The following RUSC1 variants were observed in gnomAD, a reference collection of about 807,000 sequenced individuals.
RUSC1 encodes RUN and SH3 domain containing 1.
Under a neutral mutation model 72.1 loss-of-function variants are expected in RUSC1, and 40 were observed. The observed-to-expected ratio is 0.55, with a 90% confidence interval of 0.43 to 0.72. RUSC1 has a LOEUF of 0.72. Among genes scored for constraint, RUSC1 ranks in the 30% least tolerant of loss-of-function variants. The pLI is 0.00. For synonymous variants in RUSC1, 512 were observed against 494.2 expected (o/e 1.04, Z -0.48); for missense variants, 1,092 against 1,172.3 (o/e 0.93, Z 1.00).
In RUSC1 at chr1:155,321,000, G is replaced by T; in HGVS notation, c.-87+9G>T. On this transcript the variant is annotated intron_variant, in intron 1 of 9. Coordinates refer to ENST00000368352, the MANE Select transcript of RUSC1 (RefSeq NM_001105203.2). Reference sequence around the variant, plus strand: ...GTTCCAGGAGGACCCTGGTGAGGAGGGCTCGGCCCATGGGTGTAGACCGAT... The same window carrying T: ...GTTCCAGGAGGACCCTGGTGAGGAGTGCTCGGCCCATGGGTGTAGACCGAT... 1 of 1,512,202 alleles carries T rather than the reference G, an allele frequency of 6.6e-7. No homozygotes were observed. Among genetic ancestry groups the T allele is most frequent in the South Asian group, 1.1e-5 (1 of 89,086 alleles). 93.7% of individuals were successfully genotyped at this position (1,512,202 alleles called of 1,614,324 possible).
chr1:155,326,030 T>C lies in RUSC1; in HGVS notation c.1861+120T>C. ...CCATTAATCCAGATCTCCGATCTTA[T>C]TACTCTTCTAATTAAAACTTTCTAA... On this transcript the variant is annotated intron_variant, in intron 7 of 9. Coordinates refer to ENST00000368352, the MANE Select transcript of RUSC1 (RefSeq NM_001105203.2). This position sits in a 1 kb window ranked among gnomAD's most constrained non-coding sequence, Gnocchi z 4.7. 9.1e-7 allele frequency: 1 copy of C among 1,096,670 alleles called. No individual in the cohort carries two copies. Among genetic ancestry groups the C allele is most frequent in the South Asian group, 1.3e-5 (1 of 77,124 alleles). The allele number at this position is 1,096,670 out of a possible 1,614,324, so 67.9% of individuals were successfully genotyped here.
In RUSC1 at chr1:155,324,875, C is replaced by T. The variant is rs201395635; in HGVS notation, c.1388C>T (p.Pro463Leu). Residue 463 changes from proline to leucine, a missense_variant, in exon 3 of 10, where the codon CCC becomes CTC. Coordinates refer to ENST00000368352, the MANE Select transcript of RUSC1 (RefSeq NM_001105203.2). ...AGTTCGTGGTCCTTCGCCGGTGTCC[C>T]CGGAGCCCAGCGGCTGTGGATGGCA... Reference protein sequence around the residue: ...VRSSWSFAGVPGAQRLWMAEA... With the variant: ...VRSSWSFAGVLGAQRLWMAEA... 2.1e-4 allele frequency: 334 copies of T among 1,614,138 alleles called. No individual in the cohort carries two copies. The highest frequency in any genetic ancestry group is 2.7e-4 in the Non-Finnish European group (315 of 1,180,062).
chr1:155,321,284 AC>A (rs760059305), intron 1 of RUSC1: 4 of 1,367,418 alleles, frequency 2.9e-6, no homozygotes, highest in Non-Finnish European at 2.9e-6. Context: ...GTATTGCCCC[AC>A]CCCCATCCTC....
At chr1:155,328,098 C>G in intron 8 of RUSC1, 52 bp from the exon 9 acceptor site, 1 of 1,583,368 alleles carries the variant, frequency 6.3e-7, no homozygotes, top group Non-Finnish European at 8.6e-7. Flanking sequence ...CCCCAGGGTT[C>G]TTGGGTTTTC....
chr1:155,321,734 C>T lies in RUSC1; in HGVS notation c.-40C>T. 1 of 1,611,414 alleles carries T rather than the reference C, an allele frequency of 6.2e-7. No individual in the cohort carries two copies. Among genetic ancestry groups the T allele is most frequent in the Non-Finnish European group, 8.5e-7 (1 of 1,178,264 alleles). The stretch of plus-strand genomic sequence containing the variant: ...GTAGGTGGATGTGAGAGACCCTACC[C>T]TTCTGGTTCTCTAGAAGCCATCCCA... On this transcript the variant is annotated 5_prime_UTR_variant, in exon 2 of 10. Transcript: ENST00000368352.
In RUSC1 at chr1:155,322,993, C is replaced by A; in HGVS notation, c.1220C>A (p.Pro407His). 6.6e-7 allele frequency: 1 copy of A among 1,513,876 alleles called. No homozygotes were observed. The highest frequency in any genetic ancestry group is 2.5e-5 in the East Asian group (1 of 40,552). The allele number at this position is 1,513,876 out of a possible 1,614,324, so 93.8% of individuals were successfully genotyped here. ...CCCCGGCCCCCACCCCCGCCTGTCC[C>A]TCCCCGAAGGAAGAAGAACCGACCT... ...VPPRPPPPPV[P>H]PRRKKNRPGL... Residue 407 changes from proline to histidine, a missense_variant, in exon 2 of 10, where the codon CCT becomes CAT. Coordinates refer to ENST00000368352, the MANE Select transcript of RUSC1 (RefSeq NM_001105203.2).
rs1230447253 is a variant in RUSC1, at chr1:155,326,137, T to C, written c.1861+227T>C. On this transcript the variant is annotated intron_variant, in intron 7 of 9. Coordinates refer to ENST00000368352, the MANE Select transcript of RUSC1 (RefSeq NM_001105203.2). The surrounding 1 kb of genome is among the most constrained non-coding windows in gnomAD (Gnocchi z 4.7). ...CCTCTTCCCCTGCCTTGGAGGGTCT[T>C]GCCAACAGTCTTCCCGCCTGGCCCT... The C allele has an allele frequency of 1.0e-5, 6 of 602,970 alleles. No homozygotes were observed. Among genetic ancestry groups the C allele is most frequent in the African/African-American group, 9.3e-5 (5 of 53,874 alleles). The allele number at this position is 602,970 out of a possible 1,614,324, so 37.4% of individuals were successfully genotyped here.
At position 155,321,009 on chromosome 1, in the gene RUSC1, C is replaced by T. The variant is rs773333967; in HGVS notation, c.-87+18C>T. On this transcript the variant is annotated intron_variant, in intron 1 of 9. Transcript: ENST00000368352. ...GGACCCTGGTGAGGAGGGCTCGGCC[C>T]ATGGGTGTAGACCGATGGACCTGGG... is the stretch of plus-strand genomic sequence containing the variant. 8.0e-6 allele frequency: 12 copies of T among 1,505,814 alleles called. 1 individual carries two copies. The highest frequency in any genetic ancestry group is 7.9e-5 in the South Asian group (7 of 89,122). The allele number at this position is 1,505,814 out of a possible 1,614,324, so 93.3% of individuals were successfully genotyped here. A position where few individuals can be genotyped will look rare whatever the true frequency, so the allele number is the denominator to read the frequency against.
In RUSC1 at chr1:155,330,707, A is replaced by G. The variant is rs1316663018; in HGVS notation, c.*136A>G. The G allele has an allele frequency of 1.1e-6, 1 of 880,130 alleles. No homozygotes were observed. Among genetic ancestry groups the G allele is most frequent in the Non-Finnish European group, 1.7e-6 (1 of 601,350 alleles). The allele number at this position is 880,130 out of a possible 1,614,324, so 54.5% of individuals were successfully genotyped here. ...ACGTCTGTTTCTGCTAATATTTAAA[A>G]TAAACTTTCCTTCTTCCCTCCTATA... On this transcript the variant is annotated 3_prime_UTR_variant, in exon 10 of 10. Transcript: ENST00000368352.
At position 155,323,081 on chromosome 1, in the gene RUSC1, C is replaced by G; in HGVS notation, c.1308C>G (p.Gly436=). Residue 436 remains glycine, a synonymous_variant, in exon 2 of 10, where the codon GGC becomes GGG. Coordinates refer to ENST00000368352, the MANE Select transcript of RUSC1 (RefSeq NM_001105203.2). ...EEGRAVSPAA[G]EEAPAAKEPG... ...GCCGGGCTGTCAGCCCAGCGGCTGG[C>G]GAGGAGGCCCCAGCCGCGAAGGAGC... is the stretch of plus-strand genomic sequence containing the variant. The G allele has an allele frequency of 7.0e-7, 1 of 1,426,040 alleles. No homozygotes were observed. Among genetic ancestry groups the G allele is most frequent in the Non-Finnish European group, 9.1e-7 (1 of 1,093,428 alleles). 88.3% of individuals were successfully genotyped at this position (1,426,040 alleles called of 1,614,324 possible).
chr1:155,321,151 G>C (rs754775212), intron 1 of RUSC1, 160 bp downstream of exon 1: 1 of 1,376,816 alleles, frequency 7.3e-7, no homozygotes, highest in Non-Finnish European at 9.7e-7. Flanking sequence ...TCCGAGGGGC[G>C]AGGGCGCAGG....
chr1:155,321,460 GC>G (rs775109799), intron 1 of RUSC1: 98 of 1,448,268 alleles, frequency 6.8e-5, no homozygotes, highest in Middle Eastern at 2.5e-4. Context: ...CCAGAGCGCA[GC>G]CGCGTTCTCT....
chr1:155,325,479 C>T lies in RUSC1; in HGVS notation c.1697C>T (p.Ser566Leu), dbSNP rs373264500. The T allele has an allele frequency of 3.1e-6, 5 of 1,594,158 alleles. No individual in the cohort carries two copies. The African/African-American group carries it at 5.4e-5, about 17-fold the overall frequency. ...RSSPWSVVEASVKPGSSTRSL... is the reference protein window; with the variant it reads ...RSSPWSVVEALVKPGSSTRSL... Reference sequence around the variant, plus strand: ...AGCCCCTGGAGCGTGGTGGAGGCGTCGGTGAAGCCAGGTGAGCCAGGAGGG... The same window carrying T: ...AGCCCCTGGAGCGTGGTGGAGGCGTTGGTGAAGCCAGGTGAGCCAGGAGGG... The change falls in exon 5 of 10, where the codon TCG (serine) becomes TTG (leucine). Residue 566 changes from serine to leucine, a missense_variant. Ser to Leu is a moderately radical substitution (Grantham distance 145). Transcript: ENST00000368352. The surrounding 1 kb of genome is among the most constrained non-coding windows in gnomAD (Gnocchi z 6.5).
At position 155,321,941 on chromosome 1, in the gene RUSC1, T is replaced by G; in HGVS notation, c.168T>G (p.Ser56Arg). The change falls in exon 2 of 10, where the codon AGT becomes AGG. Residue 56 changes from serine (S) to arginine (R), a missense_variant. By Grantham distance (110) the Ser-to-Arg change is moderately radical (BLOSUM62 -1). Coordinates refer to ENST00000368352, the MANE Select transcript of RUSC1 (RefSeq NM_001105203.2). Reference protein sequence around the residue: ...TGGKESRGPCSGTLVDANSNS... With the variant: ...TGGKESRGPCRGTLVDANSNS... ...GCAAGGAGAGCAGGGGCCCCTGCAG[T>G]GGCACCCTGGTGGACGCCAATTCCA... is the stretch of plus-strand genomic sequence containing the variant. The G allele has an allele frequency of 6.2e-7, 1 of 1,603,448 alleles. No individual in the cohort carries two copies. The highest frequency in any genetic ancestry group is 8.5e-7 in the Non-Finnish European group (1 of 1,174,878).
chr1:155,324,125 G>A (rs1386023980), intron 2 of RUSC1: 3 of 1,256,738 alleles, frequency 2.4e-6, no homozygotes, highest in African/African-American at 1.6e-5. Flanking sequence ...CTGTTGTTAG[G>A]GGCTTTGGGT....
In RUSC1 at chr1:155,328,706, T is replaced by G. The variant is rs111230060; in HGVS notation, c.2540+431T>G. Among the ~76,000 whole-genome samples, 182 of 152,084 alleles carry G rather than the reference T, an allele frequency of 1.2e-3. 1 individual carries two copies. The highest frequency in any genetic ancestry group is 4.2e-3 in the African/African-American group (173 of 41,490). Reference sequence around the variant, plus strand: ...TCTCCGCCTCCCAGGTTCAAGCAATTCTCCTGCTAAGCCTTCTGAGTAGCT... The same window carrying G: ...TCTCCGCCTCCCAGGTTCAAGCAATGCTCCTGCTAAGCCTTCTGAGTAGCT... On this transcript the variant is annotated intron_variant, in intron 9 of 9. Transcript: ENST00000368352.
Position 155,326,103 on chromosome 1 carries a change from G to T in RUSC1, c.1861+193G>T. 1.5e-6 allele frequency: 1 copy of T among 653,946 alleles called. No individual in the cohort carries two copies. The highest frequency in any genetic ancestry group is 2.6e-6 in the Non-Finnish European group (1 of 379,418). The allele number at this position is 653,946 out of a possible 1,614,324, so 40.5% of individuals were successfully genotyped here. A position where few individuals can be genotyped will look rare whatever the true frequency, so the allele number is the denominator to read the frequency against. ...GAAAGACCCAAAGCCTTGGCTGTCT[G>T]GCCTCTGCCCTCTTCCCCTGCCTTG... On this transcript the variant is annotated intron_variant, in intron 7 of 9. Coordinates refer to ENST00000368352, the MANE Select transcript of RUSC1 (RefSeq NM_001105203.2). This position sits in a 1 kb window ranked among gnomAD's most constrained non-coding sequence, Gnocchi z 4.7.
intron 1 of RUSC1, chr1:155,321,264 CA>C: frequency 7.3e-7 from 1 of 1,367,768 alleles, no homozygotes; most frequent in Non-Finnish European, 9.8e-7. Flanking sequence ...ATTCACCAGA[CA>C]AACTCTGCGT....
In RUSC1 at chr1:155,328,217, G is replaced by A. The variant is rs750158455; in HGVS notation, c.2482G>A (p.Glu828Lys). ...LALVKRGAPP[E>K]MPSPQELEAS... ...TCTTGTGAAGCGGGGGGCACCTCCC[G>A]AGATGCCTTCTCCTCAGGAGCTTGA... Residue 828 changes from glutamate (E) to lysine (K), a missense_variant, in exon 9 of 10, where the codon GAG (glutamate) becomes AAG (lysine). By Grantham distance (56) the Glu-to-Lys change is moderately conservative. Coordinates refer to ENST00000368352, the MANE Select transcript of RUSC1 (RefSeq NM_001105203.2). The A allele has an allele frequency of 9.9e-6, 16 of 1,613,360 alleles. No individual in the cohort carries two copies. Among genetic ancestry groups the A allele is most frequent in the Admixed American group, 1.7e-5 (1 of 59,942 alleles).
Sources: gnomAD v4.1 joint callset for allele counts (sites outside exome capture counted in the v4.1 genomes callset) on GRCh38, gnomAD v4.1.1 for gene constraint, Gnocchi (gnomAD v3.1) non-coding constraint, MANE v1.5 for transcripts, NCBI Gene and HGNC (gene_info 2026-07-23, HGNC 2026-07-21) for gene names.